RARS2: variants seen among roughly 807,000 people sequenced by gnomAD.
The protein encoded by RARS2 is probable arginine--tRNA ligase, mitochondrial.
RARS2 carries 67 observed loss-of-function variants against 88.5 expected under a neutral mutation model. That is an observed-to-expected ratio of 0.76 (90% confidence interval 0.62 to 0.93). RARS2 has a LOEUF of 0.93. Ranked by LOEUF, RARS2 falls within the 40% of genes least tolerant of loss-of-function variation. RARS2 has a pLI of 0.00. For synonymous variants in RARS2, 239 were observed against 230.3 expected, an observed-to-expected ratio of 1.04 and a Z score of -0.34; for missense variants, 664 against 684.2, an observed-to-expected ratio of 0.97 and a Z score of 0.33.
intron 17 of RARS2, 32 bp downstream of exon 17, chr6:87,518,137 G>C: frequency 6.2e-7 from 1 of 1,614,084 alleles, no homozygotes; most frequent in Non-Finnish European, 8.5e-7. Context: ...ATAAGCAGAA[G>C]CACACTTGAT....
At chr6:87,551,281 T>A (rs1322690965) in intron 5 of RARS2, among the ~76,000 whole-genome samples, 1 of 152,172 alleles carries the variant, frequency 6.6e-6, no homozygotes, top group Non-Finnish European at 1.5e-5. Context: ...CTGGGACTTT[T>A]GTTAAATTAC....
Position 87,530,868 on chromosome 6 carries a change from T to C in RARS2, c.687A>G (p.Arg229=), listed in dbSNP as rs952927123. 6.2e-7 allele frequency: 1 copy of C among 1,614,202 alleles called. No individual in the cohort carries two copies. Among genetic ancestry groups the C allele is most frequent in the Non-Finnish European group, 8.5e-7 (1 of 1,180,024 alleles). Residue 229 remains arginine (R), a synonymous_variant, in exon 9 of 20, where the codon CGA becomes CGG. Transcript: ENST00000369536. ...VAKAAQEFFQ[R]LELGDVQALS... ...GTGCTTGCACATCGCCCAGTTCCAA[T>C]CGTTGGAAGAACTCCTGTGCTGCTT...
chr6:87,580,758 TTTTA>T (rs548129565), intron 1 of RARS2, among the ~76,000 whole-genome samples: 7 of 151,952 alleles, frequency 4.6e-5, no homozygotes, highest in East Asian at 2.0e-4. Context: ...GCACCTGGCC[TTTTA>T]TTTATTTATT....
chr6:87,514,970 G>A lies in RARS2; in HGVS notation c.1637C>T (p.Pro546Leu), dbSNP rs142348911. Residue 546 changes from proline to leucine, a missense_variant, in exon 19 of 20, where the codon CCT (proline) becomes CTT (leucine). Pro to Leu is a moderately conservative substitution (Grantham distance 98, BLOSUM62 -3). Coordinates refer to ENST00000369536, the MANE Select transcript of RARS2 (RefSeq NM_020320.5). ...AACATAACGTACCCCAGCCACTTCA[G>A]GAGGACTATCTTTTATTTGTAGTGT... ...HKTLQIKDSP[P>L]EVAGARLHLF... The A allele has an allele frequency of 1.6e-4, 263 of 1,612,544 alleles. 1 individual carries two copies. Among genetic ancestry groups the A allele is most frequent in the Middle Eastern group, 8.3e-4 (5 of 6,060 alleles).
At chr6:87,525,271 T>C (rs1775298096) in intron 10 of RARS2, among the ~76,000 whole-genome samples, 1 of 152,238 alleles carries the variant, frequency 6.6e-6, no homozygotes, top group South Asian at 2.1e-4. Context: ...CTTCTTTCAC[T>C]GCTATTTCTC....
At chr6:87,572,807 G>A (rs1012272118) in intron 1 of RARS2, among the ~76,000 whole-genome samples, 11 of 152,010 alleles carry the variant, frequency 7.2e-5, no homozygotes, top group Admixed American at 2.0e-4. Flanking sequence ...ATGAAATGGA[G>A]GTATAAATTT....
At chr6:87,542,735 T>C (rs1215839476) in intron 7 of RARS2, among the ~76,000 whole-genome samples, 4 of 143,014 alleles carry the variant, frequency 2.8e-5, no homozygotes, top group African/African-American at 1.1e-4. Context: ...AGTCTGGGAG[T>C]ATGTAGACTC....
chr6:87,519,544 A>C, intron 14 of RARS2, 39 bp downstream of exon 14: 2 of 1,581,892 alleles, frequency 1.3e-6, no homozygotes, highest in Non-Finnish European at 1.7e-6. Flanking sequence ...TAAAAGTGGC[A>C]CGTAAGTTAT....
chr6:87,524,284 A>G (rs1419618151), intron 11 of RARS2, among the ~76,000 whole-genome samples: 1 of 152,182 alleles, frequency 6.6e-6, no homozygotes, highest in Non-Finnish European at 1.5e-5. Flanking sequence ...GCTTTACCAA[A>G]TCCCAATGAG....
intron 14 of RARS2, chr6:87,519,128 T>A (rs1167211300): frequency 2.1e-6 from 1 of 469,442 alleles, no homozygotes; most frequent in Non-Finnish European, 3.8e-6. Flanking sequence ...AAAAATAAAT[T>A]TGGATTTCTG....
At chr6:87,589,791 G>A (rs1776444684) in intron 1 of RARS2, 131 bp downstream of exon 1, 4 of 1,598,682 alleles carry the variant, frequency 2.5e-6, no homozygotes, top group African/African-American at 1.3e-5. Context: ...AGAAGGGGGA[G>A]GAGGTGGTAG....
At chr6:87,533,196 T>C (rs76320300) in intron 8 of RARS2, among the ~76,000 whole-genome samples, 1,698 of 152,254 alleles carry the variant, frequency 0.011, 28 homozygotes, top group African/African-American at 0.039. Context: ...AAAAATCTAT[T>C]ATGCATTATG....
rs2128126485 is a variant in RARS2, at chr6:87,548,475, A to C, written c.451+116T>G. 3 of 1,025,702 alleles carry C rather than the reference A, an allele frequency of 2.9e-6. No homozygotes were observed. The South Asian group carries it at 4.4e-5, about 15-fold the overall frequency. The allele number at this position is 1,025,702 out of a possible 1,614,324, so 63.5% of individuals were successfully genotyped here. A position where few individuals can be genotyped will look rare whatever the true frequency, so the allele number is the denominator to read the frequency against. On this transcript the variant is annotated intron_variant, in intron 6 of 19. Coordinates refer to ENST00000369536, the MANE Select transcript of RARS2 (RefSeq NM_020320.5). ...CCTGAATTGGCAGGAGGCTCATATAAATTTAAACTTTTTGTTTTTTGCTAT... is the reference window on the plus strand; with the variant it reads ...CCTGAATTGGCAGGAGGCTCATATACATTTAAACTTTTTGTTTTTTGCTAT...
At chr6:87,583,970 T>C (rs1582899675) in intron 1 of RARS2, among the ~76,000 whole-genome samples, 1 of 152,322 alleles carries the variant, frequency 6.6e-6, no homozygotes, top group African/African-American at 2.4e-5. Context: ...GTGCTTAGTG[T>C]TGAGCGACAA....
chr6:87,539,561 C>A (rs941756820), intron 8 of RARS2, among the ~76,000 whole-genome samples: 1 of 152,206 alleles, frequency 6.6e-6, no homozygotes, highest in Non-Finnish European at 1.5e-5. Context: ...CTTCCTGCTT[C>A]CTTTGTTCTC....
At chr6:87,517,920 C>T (rs972957512) in intron 17 of RARS2, among the ~76,000 whole-genome samples, 3 of 152,166 alleles carry the variant, frequency 2.0e-5, no homozygotes, top group Admixed American at 1.3e-4. Flanking sequence ...GAGCTAGAGG[C>T]AGCTAGACAT....
chr6:87,574,355 G>C (rs1168699267), intron 1 of RARS2, among the ~76,000 whole-genome samples: 5 of 152,146 alleles, frequency 3.3e-5, no homozygotes, highest in African/African-American at 1.2e-4. Context: ...TGACCTACTA[G>C]AGAGAGAGAC....
chr6:87,548,473 T>C, intron 6 of RARS2, 118 bp downstream of exon 6: 1 of 1,003,922 alleles, frequency 1.0e-6, no homozygotes, highest in Non-Finnish European at 1.5e-6. Flanking sequence ...GAGGCTCATA[T>C]AAATTTAAAC....
At chr6:87,517,472 T>C (rs1361051532) in intron 17 of RARS2, among the ~76,000 whole-genome samples, 1 of 152,160 alleles carries the variant, frequency 6.6e-6, no homozygotes, top group African/African-American at 2.4e-5. Flanking sequence ...TTTAAGAATA[T>C]AAAATATAAA....
Sources: gnomAD v4.1 joint callset for allele counts (sites outside exome capture counted in the v4.1 genomes callset) on GRCh38, gnomAD v4.1.1 for gene constraint, MANE v1.5 for transcripts, NCBI Gene and HGNC (gene_info 2026-07-23, HGNC 2026-07-21) for gene names.